The following HIVEP3 variants were observed in gnomAD, a reference collection of about 807,000 sequenced individuals.
HIVEP3 encodes transcription factor HIVEP3.
In HIVEP3, 49 loss-of-function variants were observed where a neutral mutation model predicts 152.8. That is an observed-to-expected ratio of 0.32 (90% CI 0.26 to 0.41). The LOEUF is 0.41. Ranked by LOEUF, HIVEP3 falls within the 10% of genes least tolerant of loss-of-function variation. The probability of loss-of-function intolerance (pLI) is 1.00; values close to 1 mark genes in which losing one functional copy is unlikely to be tolerated. For synonymous variants in HIVEP3, 1,269 were observed against 1,289.0 expected (o/e 0.98, Z 0.33); for missense variants, 2,790 against 3,103.3 (o/e 0.90, Z 2.40).
chr1:41,981,508 G>T (rs188560744), intron 1 of HIVEP3, among the ~76,000 whole-genome samples: 5 of 152,212 alleles, frequency 3.3e-5, no homozygotes, highest in Non-Finnish European at 7.4e-5. Flanking sequence ...TGGACTCAAG[G>T]CCTGCCACGT....
At chr1:41,935,241 A>T (rs191585710) in intron 1 of HIVEP3, among the ~76,000 whole-genome samples, 1 of 152,264 alleles carries the variant, frequency 6.6e-6, no homozygotes, top group Non-Finnish European at 1.5e-5. Flanking sequence ...TGGGACTCAG[A>T]GGGACTAAGA....
intron 3 of HIVEP3, among the ~76,000 whole-genome samples, chr1:41,596,179 C>G (rs138969323): frequency 6.6e-6 from 1 of 152,188 alleles, no homozygotes; most frequent in African/African-American, 2.4e-5. Context: ...AACTGTGAAG[C>G]CTCATTATGT....
rs4601577 is a variant in HIVEP3, at chr1:41,724,454, C to T, written c.-800-23459G>A. On this transcript the variant is annotated intron_variant, in intron 1 of 8. Transcript: ENST00000372583. ...TGCTGCCAAGTAAAGTGAACAGAAA[C>T]GTCCACCACAGAAGGCCATTCTCCA... 0.021 allele frequency among the ~76,000 whole-genome samples: 3,196 copies of T among 152,300 alleles called. 179 individuals are homozygous for T. In the East Asian group the frequency reaches 0.22, roughly 10 times the overall value.
chr1:41,522,411 G>A (rs2149051291), intron 6 of HIVEP3, among the ~76,000 whole-genome samples: 1 of 152,332 alleles, frequency 6.6e-6, no homozygotes, highest in East Asian at 1.9e-4. Flanking sequence ...CGTTGGTTCT[G>A]GAAGGTTCTA....
intron 1 of HIVEP3, among the ~76,000 whole-genome samples, chr1:41,874,593 C>T (rs1644136957): frequency 6.6e-6 from 1 of 152,286 alleles, no homozygotes; most frequent in Middle Eastern, 3.4e-3. Context: ...CTCACCGTGG[C>T]CTCTCTGTTT....
rs1467593616 is a variant in HIVEP3 at position 41,990,100 on chromosome 1, CT to C, written n.119+45706del. The stretch of plus-strand genomic sequence containing the variant: ...ATGTTTAGCACTTCCTTCAGGAGCT[CT>C]TTTAGGGCAGGCCTGGTGGTGACAA... On this transcript the variant is annotated intron_variant and non_coding_transcript_variant, in intron 1 of 3. Transcript: ENST00000489103. Among the ~76,000 whole-genome samples the C allele has an allele frequency of 3.1e-5, 3 of 96,624 alleles. No individual in the cohort carries two copies. The East Asian group carries it at 8.2e-4, about 26-fold the overall frequency. The allele number at this position is 96,624 out of a possible 152,430, so 63.4% of individuals were successfully genotyped here. A position where few individuals can be genotyped will look rare whatever the true frequency, so the allele number is the denominator to read the frequency against.
At chr1:41,745,571 G>A (rs750143538) in intron 1 of HIVEP3, among the ~76,000 whole-genome samples, 32 of 152,216 alleles carry the variant, frequency 2.1e-4, no homozygotes, top group Non-Finnish European at 4.3e-4. Flanking sequence ...CGAGAGCACA[G>A]GGCAGAGGAG....
At chr1:41,642,467 C>G (rs1013408021) in intron 2 of HIVEP3, among the ~76,000 whole-genome samples, 4 of 152,214 alleles carry the variant, frequency 2.6e-5, no homozygotes, top group African/African-American at 4.8e-5. Context: ...TAGGCCTCCT[C>G]CTCCACAAAG....
intron 2 of HIVEP3, among the ~76,000 whole-genome samples, chr1:41,689,260 G>A (rs1007225077): frequency 1.3e-5 from 2 of 152,168 alleles, no homozygotes; most frequent in African/African-American, 4.8e-5. Context: ...CCCCCTGCTG[G>A]TAGGGTCCCA....
intron 1 of HIVEP3, among the ~76,000 whole-genome samples, chr1:41,851,176 T>C (rs1445260636): frequency 6.6e-6 from 1 of 151,984 alleles, no homozygotes; most frequent in East Asian, 1.9e-4. Flanking sequence ...TGTCTACCAC[T>C]ATAACCGCAG....
intron 1 of HIVEP3, among the ~76,000 whole-genome samples, chr1:41,878,047 A>T (rs1644198880): frequency 6.6e-6 from 1 of 152,222 alleles, no homozygotes. Context: ...TGCATATGAG[A>T]TTTAAAGAAA....
At chr1:41,673,165 C>A (rs978623695) in intron 2 of HIVEP3, among the ~76,000 whole-genome samples, 2 of 152,154 alleles carry the variant, frequency 1.3e-5, no homozygotes, top group Admixed American at 6.5e-5. Context: ...AGGGGCCCAG[C>A]CTGAGAAAGA....
chr1:41,582,094 G>C lies in HIVEP3; in HGVS notation c.2704C>G (p.Pro902Ala). 6.2e-7 allele frequency: 1 copy of C among 1,614,150 alleles called. No individual in the cohort carries two copies. Among genetic ancestry groups the C allele is most frequent in the Non-Finnish European group, 8.5e-7 (1 of 1,180,030 alleles). ...TLAQLPAEKLPPKKKRLRLAE... is the reference protein window; with the variant it reads ...TLAQLPAEKLAPKKKRLRLAE... ...AGGCGCAACCTCTTCTTTTTGGGTG[G>C]CAGCTTCTCAGCTGGGAGCTGGGCA... Residue 902 changes from proline (P) to alanine (A), a missense_variant, in exon 4 of 9, where the codon CCA becomes GCA. Physicochemically the swap from Pro to Ala is conservative, Grantham distance 27 (BLOSUM62 -1). Coordinates refer to ENST00000372583, the MANE Select transcript of HIVEP3 (RefSeq NM_024503.5). The surrounding 1 kb of genome is among the most constrained non-coding windows in gnomAD (Gnocchi z 4.7).
chr1:41,762,421 G>A (rs1647752798), intron 1 of HIVEP3, among the ~76,000 whole-genome samples: 1 of 152,198 alleles, frequency 6.6e-6, no homozygotes, highest in Non-Finnish European at 1.5e-5. Flanking sequence ...CATGCAGCAG[G>A]AAGCAGTGTC....
intron 1 of HIVEP3, among the ~76,000 whole-genome samples, chr1:41,902,255 GT>G (rs1644638031): frequency 6.6e-6 from 1 of 152,164 alleles, no homozygotes; most frequent in Non-Finnish European, 1.5e-5. Context: ...CTTAGGTCAT[GT>G]TCCCCCAAAG....
intron 1 of HIVEP3, among the ~76,000 whole-genome samples, chr1:41,740,095 A>G (rs1180488480): frequency 1.3e-5 from 2 of 152,136 alleles, no homozygotes; most frequent in Non-Finnish European, 2.9e-5. Flanking sequence ...CAGGACTCAA[A>G]CCTAAGTCCT....
chr1:41,591,885 G>C (rs1450747936), intron 3 of HIVEP3, among the ~76,000 whole-genome samples: 2 of 152,072 alleles, frequency 1.3e-5, no homozygotes, highest in Admixed American at 6.6e-5. Context: ...AGGCATGACC[G>C]ACCCAACGAG....
At chr1:41,655,411 T>C (rs747846941) in intron 2 of HIVEP3, among the ~76,000 whole-genome samples, 35 of 151,848 alleles carry the variant, frequency 2.3e-4, no homozygotes, top group Non-Finnish European at 4.4e-5. Flanking sequence ...GGGGAAACCC[T>C]GTCTCTACTA....
intron 1 of HIVEP3, among the ~76,000 whole-genome samples, chr1:41,724,964 C>G (rs1192221158): frequency 6.6e-6 from 1 of 152,194 alleles, no homozygotes; most frequent in African/African-American, 2.4e-5. Flanking sequence ...TCACAATGGT[C>G]TACTTAGCCT....
Sources: gnomAD v4.1 joint callset for allele counts (sites outside exome capture counted in the v4.1 genomes callset) on GRCh38, gnomAD v4.1.1 for gene constraint, Gnocchi (gnomAD v3.1) non-coding constraint, MANE v1.5 for transcripts, NCBI Gene and HGNC (gene_info 2026-07-23, HGNC 2026-07-21) for gene names.